The following GRIP1 variants were observed in gnomAD, a reference collection of about 807,000 sequenced individuals.
GRIP1 encodes the protein glutamate receptor interacting protein 1, also known as glutamate receptor-interacting protein 1.
Under a neutral mutation model 129.9 loss-of-function variants are expected in GRIP1, and 45 were observed. The observed-to-expected ratio is 0.35, with a 90% confidence interval of 0.27 to 0.44. The LOEUF (loss-of-function observed/expected upper bound fraction) is 0.44. GRIP1 is among the 20% of genes least tolerant of loss of function. The probability of loss-of-function intolerance (pLI) is 1.00; values close to 1 mark genes in which losing one functional copy is unlikely to be tolerated. For synonymous variants in GRIP1, 530 were observed against 520.8 expected, an observed-to-expected ratio of 1.02 and a Z score of -0.24; for missense variants, 1,196 against 1,396.8, an observed-to-expected ratio of 0.86 and a Z score of 2.29.
intron 7 of GRIP1, among the ~76,000 whole-genome samples, chr12:66,512,318 A>C (rs1433054701): frequency 6.6e-6 from 1 of 152,158 alleles, no homozygotes; most frequent in Non-Finnish European, 1.5e-5. Context: ...TGGAGGGCTC[A>C]GAAGAAGATA....
At chr12:66,433,282 G>T (rs1259397381) in intron 13 of GRIP1, among the ~76,000 whole-genome samples, 1 of 36,746 alleles carries the variant, frequency 2.7e-5, no homozygotes, top group Non-Finnish European at 1.0e-4. Context: ...AAACAGTACT[G>T]GTTATCAATC....
At chr12:67,039,635 T>C (rs939633172) in intron 1 of GRIP1, among the ~76,000 whole-genome samples, 12 of 152,178 alleles carry the variant, frequency 7.9e-5, no homozygotes, top group African/African-American at 2.9e-4. Context: ...AAGAGTCTCA[T>C]AATAATAATG....
intron 1 of GRIP1, among the ~76,000 whole-genome samples, chr12:66,674,638 GA>G (rs1189864378): frequency 6.6e-6 from 1 of 152,176 alleles, no homozygotes; most frequent in Non-Finnish European, 1.5e-5. Flanking sequence ...CTGGTTGTCT[GA>G]GATGGTTGAG....
upstream of GRIP1, among the ~76,000 whole-genome samples, chr12:66,804,839 C>T (rs1247211688): frequency 6.6e-6 from 1 of 152,172 alleles, no homozygotes; most frequent in Admixed American, 6.5e-5. Context: ...TATTAATAAG[C>T]AGCAAAGTGG....
Position 66,646,319 on chromosome 12 carries a change from T to C in GRIP1, c.55+32531A>G, listed in dbSNP as rs113933986. 9.5e-3 allele frequency among the ~76,000 whole-genome samples: 1,451 copies of C among 152,254 alleles called. 29 individuals are homozygous for C. Among genetic ancestry groups the C allele is most frequent in the African/African-American group, 0.033 (1,378 of 41,526 alleles). On this transcript the variant is annotated intron_variant, in intron 1 of 24. Coordinates refer to ENST00000359742, the MANE Select transcript of GRIP1 (RefSeq NM_001366722.1). ...GGCATGACTGCAAGTGTAAACTGTG[T>C]TTCAGAAATATATTTGGGGGAAGGG...
chr12:66,714,170 A>G (rs1287345042), intron 1 of GRIP1, among the ~76,000 whole-genome samples: 1 of 152,030 alleles, frequency 6.6e-6, no homozygotes, highest in African/African-American at 2.4e-5. Flanking sequence ...TTTTAAATCC[A>G]CCCATGATTT....
chr12:67,012,773 A>G (rs1243722270), intron 1 of GRIP1, among the ~76,000 whole-genome samples: 1 of 152,152 alleles, frequency 6.6e-6, no homozygotes, highest in Non-Finnish European at 1.5e-5. Context: ...TTCAGGCATC[A>G]CACCTAGAAT....
chr12:66,492,717 T>C (rs2060134925), intron 7 of GRIP1, among the ~76,000 whole-genome samples: 1 of 152,124 alleles, frequency 6.6e-6, no homozygotes, highest in African/African-American at 2.4e-5. Flanking sequence ...TCAAGGAATT[T>C]AGACTGGCTA....
chr12:66,908,236 T>G (rs553694377), intron 1 of GRIP1, among the ~76,000 whole-genome samples: 57 of 151,992 alleles, frequency 3.8e-4, no homozygotes, highest in Middle Eastern at 3.4e-3. Flanking sequence ...AATAAGAGAG[T>G]GCAGAACACA....
intron 22 of GRIP1, chr12:66,372,288 G>C: frequency 2.8e-6 from 1 of 351,376 alleles, no homozygotes; most frequent in Non-Finnish European, 5.4e-6. Context: ...GGATTCATGA[G>C]GCCACCTTGA....
intron 14 of GRIP1, among the ~76,000 whole-genome samples, chr12:66,422,019 A>C (rs1218420668): frequency 6.6e-6 from 1 of 152,150 alleles, no homozygotes; most frequent in East Asian, 1.9e-4. Context: ...TATTTTGCCA[A>C]CCTGAAGGCT....
At chr12:66,526,694 T>A (rs916808114) in intron 5 of GRIP1, among the ~76,000 whole-genome samples, 1 of 151,478 alleles carries the variant, frequency 6.6e-6, no homozygotes, top group East Asian at 1.9e-4. Flanking sequence ...CTAATTAAAC[T>A]AAAGAGCTTC....
At chr12:66,536,622 C>G (rs1327175617) in intron 4 of GRIP1, among the ~76,000 whole-genome samples, 1 of 152,182 alleles carries the variant, frequency 6.6e-6, no homozygotes, top group African/African-American at 2.4e-5. Context: ...TCCTAACCAC[C>G]CTATTTGCAA....
chr12:66,475,519 A>C (rs1236260908), intron 7 of GRIP1, among the ~76,000 whole-genome samples: 1 of 152,204 alleles, frequency 6.6e-6, no homozygotes, highest in Non-Finnish European at 1.5e-5. Flanking sequence ...AATCAACAGA[A>C]TATACATTCT....
intron 1 of GRIP1, among the ~76,000 whole-genome samples, chr12:66,646,736 T>C (rs1190493897): frequency 6.6e-6 from 1 of 152,110 alleles, no homozygotes; most frequent in African/African-American, 2.4e-5. Flanking sequence ...ATTGATGGGA[T>C]AAGGAAAGTC....
intron 1 of GRIP1, among the ~76,000 whole-genome samples, chr12:66,995,936 C>T (rs1379153956): frequency 6.6e-6 from 1 of 152,058 alleles, no homozygotes; most frequent in East Asian, 1.9e-4. Flanking sequence ...TGTCCGTCAA[C>T]TGATGAATGG....
At chr12:66,643,016 T>C (rs903858205) in intron 1 of GRIP1, among the ~76,000 whole-genome samples, 3 of 152,072 alleles carry the variant, frequency 2.0e-5, no homozygotes, top group Non-Finnish European at 2.9e-5. Flanking sequence ...GTAAAGGCAA[T>C]TCATAAAACA....
intron 1 of GRIP1, among the ~76,000 whole-genome samples, chr12:66,995,597 C>T (rs1019790455): frequency 2.6e-5 from 4 of 152,048 alleles, no homozygotes; most frequent in Admixed American, 6.6e-5. Flanking sequence ...AGATGCTTTA[C>T]ATCATTATTT....
At chr12:66,517,268 T>C (rs2060873393) in intron 6 of GRIP1, among the ~76,000 whole-genome samples, 1 of 151,944 alleles carries the variant, frequency 6.6e-6, no homozygotes, top group Non-Finnish European at 1.5e-5. Flanking sequence ...AAGTTGTGAG[T>C]TTACTCGGGG....
Sources: gnomAD v4.1 joint callset for allele counts (sites outside exome capture counted in the v4.1 genomes callset) on GRCh38, gnomAD v4.1.1 for gene constraint, MANE v1.5 for transcripts, NCBI Gene and HGNC (gene_info 2026-07-23, HGNC 2026-07-21) for gene names.